The following SLC1A1 variants were observed in gnomAD, a reference collection of about 807,000 sequenced individuals.
The protein encoded by SLC1A1 is excitatory amino acid transporter 3.
SLC1A1 carries 43 observed loss-of-function variants against 53.3 expected under a neutral mutation model. The observed-to-expected ratio is 0.81, with a 90% confidence interval of 0.63 to 1.04. The LOEUF (loss-of-function observed/expected upper bound fraction) is 1.04, where lower values mean the gene tolerates loss of function less well. Among genes scored for constraint, SLC1A1 ranks in the 50% least tolerant of loss-of-function variants. The probability of loss-of-function intolerance (pLI) is 0.00; values close to 1 mark genes in which losing one functional copy is unlikely to be tolerated. For synonymous variants in SLC1A1, 307 were observed against 243.2 expected (o/e 1.26, Z -2.44); for missense variants, 748 against 664.9 (o/e 1.12, Z -1.37).
chr9:4,491,535 A>G (rs1324441276), intron 1 of SLC1A1, among the ~76,000 whole-genome samples: 5 of 152,216 alleles, frequency 3.3e-5, no homozygotes, highest in African/African-American at 1.2e-4. Flanking sequence ...ACAAGGGTGT[A>G]TTTAAGTGAT....
chr9:4,566,765 T>A (rs1819527456), intron 5 of SLC1A1, among the ~76,000 whole-genome samples: 1 of 152,176 alleles, frequency 6.6e-6, no homozygotes, highest in Non-Finnish European at 1.5e-5. Flanking sequence ...AACAAAGCCA[T>A]GATTTTTTTT....
At chr9:4,550,036 T>C (rs1295446777) in intron 2 of SLC1A1, among the ~76,000 whole-genome samples, 4 of 152,148 alleles carry the variant, frequency 2.6e-5, no homozygotes, top group African/African-American at 9.7e-5. Flanking sequence ...CAAGCAGATA[T>C]CAAGCCAAGA....
chr9:4,522,704 C>G (rs1352322977), intron 1 of SLC1A1, among the ~76,000 whole-genome samples: 1 of 152,146 alleles, frequency 6.6e-6, no homozygotes, highest in African/African-American at 2.4e-5. Context: ...CACAAGGCAG[C>G]AGGAGAGAGA....
intron 5 of SLC1A1, 80 bp from the exon 6 acceptor site, chr9:4,567,589 A>G (rs1192017246): frequency 2.3e-6 from 2 of 878,746 alleles, no homozygotes; most frequent in African/African-American, 1.7e-5. Context: ...CCAAAATAAC[A>G]TGTTCCTGTG....
intron 1 of SLC1A1, among the ~76,000 whole-genome samples, chr9:4,542,588 G>A (rs1817111266): frequency 6.6e-6 from 1 of 152,064 alleles, no homozygotes; most frequent in Non-Finnish European, 1.5e-5. Flanking sequence ...AGCTTTCTTT[G>A]ACATACAAGC....
At chr9:4,534,879 C>A (rs75535877) in intron 1 of SLC1A1, among the ~76,000 whole-genome samples, 73,637 of 151,934 alleles carry the variant, frequency 0.48, 18,509 homozygotes, top group Non-Finnish European at 0.53. Flanking sequence ...GGGATTCATC[C>A]CTGGGATGCA....
At chr9:4,515,481 G>C (rs560017148) in intron 1 of SLC1A1, among the ~76,000 whole-genome samples, 47 of 152,274 alleles carry the variant, frequency 3.1e-4, no homozygotes, top group African/African-American at 1.0e-3. Context: ...TGTATATTGA[G>C]TTTGTCACTG....
At chr9:4,494,179 C>G (rs897289939) in intron 1 of SLC1A1, among the ~76,000 whole-genome samples, 1 of 152,126 alleles carries the variant, frequency 6.6e-6, no homozygotes, top group Admixed American at 6.6e-5. Flanking sequence ...AGAATGAGCA[C>G]AGAGCCTGGA....
intron 1 of SLC1A1, among the ~76,000 whole-genome samples, chr9:4,528,436 C>T (rs1446197650): frequency 6.6e-6 from 1 of 151,918 alleles, no homozygotes; most frequent in East Asian, 1.9e-4. Flanking sequence ...ATTAGCTGGG[C>T]ATGGTGGCCG....
chr9:4,574,130 A>G, intron 8 of SLC1A1, 116 bp downstream of exon 8: 1 of 766,222 alleles, frequency 1.3e-6, no homozygotes, highest in Non-Finnish European at 2.3e-6. Context: ...TGGGAAAGAT[A>G]GGGTTCAGAG....
rs140563443 is a variant in SLC1A1, at chr9:4,586,589, C to T, written c.*1031C>T. ...AAAGGCTGGATGTGCTTTCATCCAA[C>T]TGGAAGGCTTTATTCTTCCAAGTTC... On this transcript the variant is annotated 3_prime_UTR_variant, in exon 12 of 12. Coordinates refer to ENST00000262352, the MANE Select transcript of SLC1A1 (RefSeq NM_004170.6). 1.3e-5 allele frequency: 2 copies of T among 152,316 alleles called. No homozygotes were observed. The highest frequency in any genetic ancestry group is 4.8e-5 in the African/African-American group (2 of 41,566). The allele number at this position is 152,316 out of a possible 1,614,324, so 9.4% of individuals were successfully genotyped here.
chr9:4,536,721 C>A (rs556948204), intron 1 of SLC1A1, among the ~76,000 whole-genome samples: 327 of 152,302 alleles, frequency 2.1e-3, no homozygotes, highest in African/African-American at 7.5e-3. Flanking sequence ...ATAAATCATG[C>A]TGCCATAAAG....
At chr9:4,554,135 ACAGATTAAGCCACTTTTTCAAGAT>A (rs2130896676) in intron 2 of SLC1A1, 1 of 152,354 alleles carries the variant, frequency 6.6e-6, no homozygotes, top group Admixed American at 6.5e-5. Flanking sequence ...GAGGTTGAAG[ACAGATTAAGCCACTTTTTCAAGAT>A]CACACAGATC....
Position 4,544,618 on chromosome 9 carries a change from A to G in SLC1A1, c.143A>G (p.Glu48Gly). Residue 48 changes from glutamate (E) to glycine (G), a missense_variant, in exon 2 of 12, where the codon GAG (glutamate) becomes GGG (glycine). Physicochemically the swap from Glu to Gly is moderately conservative, Grantham distance 98 (BLOSUM62 -2). Coordinates refer to ENST00000262352, the MANE Select transcript of SLC1A1 (RefSeq NM_004170.6). ...GAACACAGCAACCTCTCAACTCTAG[A>G]GAAATTCTACTTTGCTTTTCCTGGA... The part of the protein sequence containing the change: ...VREHSNLSTL[E>G]KFYFAFPGEI... The G allele has an allele frequency of 6.2e-7, 1 of 1,613,720 alleles. No homozygotes were observed. The highest frequency in any genetic ancestry group is 8.5e-7 in the Non-Finnish European group (1 of 1,179,628).
intron 1 of SLC1A1, among the ~76,000 whole-genome samples, chr9:4,519,680 C>G (rs1815997510): frequency 6.6e-6 from 1 of 152,200 alleles, no homozygotes; most frequent in South Asian, 2.1e-4. Flanking sequence ...AGGTACTCTT[C>G]TCATTTCTCT....
At position 4,585,442 on chromosome 9, in the gene SLC1A1, T is replaced by C. The variant is rs761048003; in HGVS notation, c.1459T>C (p.Leu487=). The change falls in exon 12 of 12, where the codon TTG becomes CTG. Residue 487 remains leucine, a synonymous_variant. Coordinates refer to ENST00000262352, the MANE Select transcript of SLC1A1 (RefSeq NM_004170.6). ...AGTCAACATTGTGAATCCCTTTGCC[T>C]TGGAATCCACAATCCTTGACAACGA... ...SEVNIVNPFA[L]ESTILDNEDS... The C allele has an allele frequency of 1.9e-5, 31 of 1,614,090 alleles. No homozygotes were observed. Among genetic ancestry groups the C allele is most frequent in the Non-Finnish European group, 2.5e-5 (30 of 1,180,052 alleles).
rs140432892 is a variant in SLC1A1, at chr9:4,585,324, G to A, written c.1341G>A (p.Arg447=). The A allele has an allele frequency of 8.8e-5, 142 of 1,613,670 alleles. No individual in the cohort carries two copies. The highest frequency in any genetic ancestry group is 1.1e-4 in the Non-Finnish European group (134 of 1,179,938). Residue 447 remains arginine, a synonymous_variant, in exon 12 of 12, where the codon AGG becomes AGA. Transcript: ENST00000262352. ...IAVDWLLDRF[R]TMVNVLGDAF... ...CGTCTCTCCCCAGGGACCGGTTCAG[G>A]ACCATGGTCAACGTCCTTGGTGATG... is the stretch of plus-strand genomic sequence containing the variant.
chr9:4,490,898 T>C, intron 1 of SLC1A1, 128 bp downstream of exon 1: 1 of 743,438 alleles, frequency 1.3e-6, no homozygotes, highest in South Asian at 1.7e-5. Context: ...CCCTCGGCCT[T>C]AGCCTCGGGC....
At position 4,564,536 on chromosome 9, in the gene SLC1A1, C is replaced by G. The variant is rs1428347987; in HGVS notation, c.440+78C>G. 3.6e-6 allele frequency: 3 copies of G among 843,356 alleles called. No individual in the cohort carries two copies. In the African/African-American group the frequency reaches 5.0e-5, roughly 14 times the overall value. The allele number at this position is 843,356 out of a possible 1,614,324, so 52.2% of individuals were successfully genotyped here. A position where few individuals can be genotyped will look rare whatever the true frequency, so the allele number is the denominator to read the frequency against. On this transcript the variant is annotated intron_variant, in intron 4 of 11. Coordinates refer to ENST00000262352, the MANE Select transcript of SLC1A1 (RefSeq NM_004170.6). The stretch of plus-strand genomic sequence containing the variant: ...GCCTTGTATGTGGTTTAATATTCTG[C>G]TGTTACTGTATTGAAATTTTTAATA...
Sources: allele counts gnomAD v4.1 joint callset (sites outside exome capture counted in the v4.1 genomes callset), GRCh38; gene constraint gnomAD v4.1.1; transcripts MANE v1.5; gene names NCBI Gene and HGNC (gene_info 2026-07-23, HGNC 2026-07-21).